DPH6: variants seen among roughly 807,000 people sequenced by gnomAD.
DPH6 encodes the protein diphthine--ammonia ligase.
In DPH6, 33 loss-of-function variants were observed where a neutral mutation model predicts 38.2. That is an observed-to-expected ratio of 0.86 (90% CI 0.65 to 1.15). The LOEUF (loss-of-function observed/expected upper bound fraction) is 1.15, where lower values mean the gene tolerates loss of function less well. DPH6 is among the 50% of genes most tolerant of loss of function. DPH6 has a pLI of 0.00. For missense variants in DPH6, 325 were observed against 320.0 expected, an observed-to-expected ratio of 1.02 and a Z score of -0.12; for synonymous variants, 108 against 103.0, an observed-to-expected ratio of 1.05 and a Z score of -0.30.
intron 5 of DPH6, among the ~76,000 whole-genome samples, chr15:35,437,573 A>G (rs1227641945): frequency 6.6e-6 from 1 of 152,218 alleles, no homozygotes; most frequent in African/African-American, 2.4e-5. Flanking sequence ...ATCACTGTTT[A>G]TATTTTCTGT....
At chr15:35,349,673 G>A (rs546775041) in intron 3 of DPH6, among the ~76,000 whole-genome samples, 6 of 152,260 alleles carry the variant, frequency 3.9e-5, no homozygotes, top group African/African-American at 1.4e-4. Flanking sequence ...GACCTCAAGT[G>A]ATCTGCCCAC....
At chr15:35,485,597 A>G (rs893375633) in intron 3 of DPH6, among the ~76,000 whole-genome samples, 5 of 152,140 alleles carry the variant, frequency 3.3e-5, no homozygotes, top group African/African-American at 1.2e-4. Flanking sequence ...ACCAAATCAC[A>G]TGCCTTCATT....
At chr15:35,302,788 G>A (rs141040140) in intron 3 of DPH6, among the ~76,000 whole-genome samples, 36 of 151,582 alleles carry the variant, frequency 2.4e-4, no homozygotes, top group African/African-American at 7.7e-4. Flanking sequence ...CAATGAAGAC[G>A]ATTTTTCTTT....
chr15:35,367,656 A>G (rs911874764), downstream of DPH6, among the ~76,000 whole-genome samples: 7 of 151,744 alleles, frequency 4.6e-5, no homozygotes, highest in Non-Finnish European at 8.8e-5. Context: ...TGTTTAGTTG[A>G]TATCATTTTT....
chr15:35,403,014 CTTAA>C (rs1193670910), intron 6 of DPH6, among the ~76,000 whole-genome samples: 2 of 151,806 alleles, frequency 1.3e-5, no homozygotes, highest in Admixed American at 6.6e-5. Context: ...TCAAAGTATA[CTTAA>C]TTATGTAGGA....
chr15:35,207,064 T>A, the DPH6 span, among the ~76,000 whole-genome samples: 1 of 130,538 alleles, frequency 7.7e-6, no homozygotes, highest in South Asian at 2.4e-4. Context: ...TTTTTTTTTT[T>A]AAGATAGAAT....
At chr15:35,296,010 G>A (rs1224270414) in intron 3 of DPH6, among the ~76,000 whole-genome samples, 1 of 151,842 alleles carries the variant, frequency 6.6e-6, no homozygotes, top group Non-Finnish European at 1.5e-5. Flanking sequence ...CGCGATCTCT[G>A]TTCACTGCAA....
At chr15:35,437,999 G>C (rs1217585915) in intron 5 of DPH6, among the ~76,000 whole-genome samples, 1 of 152,040 alleles carries the variant, frequency 6.6e-6, no homozygotes, top group Non-Finnish European at 1.5e-5. Flanking sequence ...AGGTTACCTT[G>C]GTAAAATTTG....
chr15:35,161,724 C>G, the DPH6 span, among the ~76,000 whole-genome samples: 1 of 151,766 alleles, frequency 6.6e-6, no homozygotes, highest in African/African-American at 2.4e-5. Flanking sequence ...CATTCTCACT[C>G]TTTCTCTCTC....
At chr15:35,205,133 T>G in the DPH6 span, among the ~76,000 whole-genome samples, 2 of 152,044 alleles carry the variant, frequency 1.3e-5, no homozygotes, top group Non-Finnish European at 2.9e-5. Context: ...TCTTTTATAT[T>G]ACTTAGAGTT....
intron 3 of DPH6, among the ~76,000 whole-genome samples, chr15:35,361,368 C>T (rs2052612584): frequency 6.6e-6 from 1 of 152,312 alleles, no homozygotes; most frequent in Non-Finnish European, 1.5e-5. Flanking sequence ...ATGTCACTCT[C>T]TAACTTTCAA....
chr15:35,272,309 T>C (rs1015754610), intron 3 of DPH6, among the ~76,000 whole-genome samples: 1 of 152,160 alleles, frequency 6.6e-6, no homozygotes, highest in Non-Finnish European at 1.5e-5. Context: ...TCTGTGAATA[T>C]TGGTGTCCAT....
At chr15:35,397,866 TATACACACACACACACACACAC>T (rs1327119673) in intron 6 of DPH6, among the ~76,000 whole-genome samples, 5 of 88,898 alleles carry the variant, frequency 5.6e-5, no homozygotes, top group African/African-American at 2.3e-4. Flanking sequence ...AATTTATATA[TATACACACACACACACACACAC>T]ACACACACAC....
chr15:35,386,220 G>A (rs2052954526), intron 6 of DPH6, among the ~76,000 whole-genome samples: 1 of 152,104 alleles, frequency 6.6e-6, no homozygotes, highest in South Asian at 2.1e-4. Flanking sequence ...GTGTATATGT[G>A]CCACATTTTC....
the DPH6 span, among the ~76,000 whole-genome samples, chr15:35,172,981 TA>T: frequency 4.6e-5 from 7 of 151,888 alleles, no homozygotes; most frequent in Non-Finnish European, 1.0e-4. Context: ...AAGACTTTTA[TA>T]AAAAAAATAC....
intron 5 of DPH6, among the ~76,000 whole-genome samples, chr15:35,426,166 A>T (rs1013318647): frequency 3.3e-5 from 5 of 151,438 alleles, no homozygotes; most frequent in African/African-American, 1.2e-4. Context: ...ACATGTTGGG[A>T]GTTTTGAAAG....
chr15:35,263,992 C>T (rs895587808), intron 3 of DPH6, among the ~76,000 whole-genome samples: 1 of 152,060 alleles, frequency 6.6e-6, no homozygotes, highest in Non-Finnish European at 1.5e-5. Flanking sequence ...GGATTACAGG[C>T]GTGAGCCACC....
At chr15:35,395,904 G>A (rs545722380) in intron 6 of DPH6, among the ~76,000 whole-genome samples, 2 of 152,240 alleles carry the variant, frequency 1.3e-5, no homozygotes, top group South Asian at 4.2e-4. Flanking sequence ...GGGTATAGAA[G>A]TTCTTACACA....
intron 3 of DPH6, chr15:35,298,942 T>C (rs2052034310): frequency 2.5e-6 from 2 of 790,816 alleles, no homozygotes. Flanking sequence ...GCTCCGCCCA[T>C]ACTTGTTTTC....
Sources: gnomAD v4.1 joint callset for allele counts (sites outside exome capture counted in the v4.1 genomes callset) on GRCh38, gnomAD v4.1.1 for gene constraint, MANE v1.5 for transcripts, NCBI Gene and HGNC (gene_info 2026-07-23, HGNC 2026-07-21) for gene names.